Variants in C16orf96 observed in about 807,000 individuals in gnomAD.
C16orf96 encodes the protein chromosome 16 open reading frame 96.
Under a neutral mutation model 103.6 loss-of-function variants are expected in C16orf96, and 108 were observed. The ratio of observed to expected loss-of-function variants is 1.04; its 90% CI spans 0.89 to 1.22. The LOEUF (loss-of-function observed/expected upper bound fraction) is 1.22. Among genes scored for constraint, C16orf96 ranks in the 50% most tolerant of loss-of-function variants. The pLI is 0.00. For synonymous variants in C16orf96, 566 were observed against 593.5 expected (o/e 0.95, Z 0.67); for missense variants, 1,586 against 1,464.2 (o/e 1.08, Z -1.36).
At chr16:4,541,658 T>C in the C16orf96 span, among the ~76,000 whole-genome samples, 1 of 152,208 alleles carries the variant, frequency 6.6e-6, no homozygotes, top group Non-Finnish European at 1.5e-5. Flanking sequence ...TTACGCTTTT[T>C]ATTGGTGATT....
At chr16:4,568,237 G>A (rs1184371884) in intron 1 of C16orf96, among the ~76,000 whole-genome samples, 1 of 151,982 alleles carries the variant, frequency 6.6e-6, no homozygotes, top group Non-Finnish European at 1.5e-5. Flanking sequence ...TTCCATTGTG[G>A]TCAGAGTATG....
At chr16:4,574,931 C>T (rs1164245050) in intron 3 of C16orf96, 41 bp from the exon 4 acceptor site, 2 of 1,542,430 alleles carry the variant, frequency 1.3e-6, no homozygotes, top group Admixed American at 2.0e-5. Flanking sequence ...ACACTGCCCC[C>T]TCCAGGCTCA....
chr16:4,548,165 G>A, the C16orf96 span, among the ~76,000 whole-genome samples: 6 of 152,102 alleles, frequency 3.9e-5, no homozygotes, highest in Non-Finnish European at 7.4e-5. Context: ...ACGCAGGCCC[G>A]GAGACAGGAC....
chr16:4,539,138 C>T, the C16orf96 span, among the ~76,000 whole-genome samples: 2 of 152,186 alleles, frequency 1.3e-5, no homozygotes, highest in African/African-American at 4.8e-5. Context: ...CTTGAAACTG[C>T]CTTTGCAAAA....
intron 9 of C16orf96, among the ~76,000 whole-genome samples, chr16:4,589,802 A>C (rs1176949852): frequency 6.6e-6 from 1 of 152,126 alleles, no homozygotes; most frequent in Non-Finnish European, 1.5e-5. Flanking sequence ...TTTATTAGTG[A>C]AATGTCACCA....
rs1447018849 is a variant in C16orf96, at chr16:4,588,150, A to G, written c.2428-17A>G. The G allele has an allele frequency of 1.9e-6, 3 of 1,547,174 alleles. No individual in the cohort carries two copies. Among genetic ancestry groups the G allele is most frequent in the Non-Finnish European group, 2.6e-6 (3 of 1,144,570 alleles). On this transcript the variant is annotated splice_polypyrimidine_tract_variant and intron_variant, in intron 8 of 15. Coordinates refer to ENST00000444310, the MANE Select transcript of C16orf96 (RefSeq NM_001145011.2). ...CATCCCAGCAGCCATGCCTCCCTGAACTCCCTGTCTCCCTAGAAAGCTGAC... is the reference window on the plus strand; with the variant it reads ...CATCCCAGCAGCCATGCCTCCCTGAGCTCCCTGTCTCCCTAGAAAGCTGAC...
the C16orf96 span, among the ~76,000 whole-genome samples, chr16:4,541,000 G>A: frequency 9.4e-5 from 14 of 148,188 alleles, no homozygotes; most frequent in South Asian, 6.7e-4. Context: ...TGCAACCTCC[G>A]TCTCCCAGGT....
rs62037460 is a variant in C16orf96 at position 4,574,976 on chromosome 16, C to T, written c.611C>T (p.Ser204Phe). ...KMVALQREVASLQNKFKTIPK... is the reference protein window; with the variant it reads ...KMVALQREVAFLQNKFKTIPK... ...TTTTCTACCCCCACCTTGCAGGCTT[C>T]TCTCCAGAATAAGTTTAAAACCATC... The change falls in exon 4 of 16, where the codon TCT (serine) becomes TTT (phenylalanine). Residue 204 changes from serine to phenylalanine, a missense_variant. Ser to Phe is a radical substitution (Grantham distance 155). Transcript: ENST00000444310. The T allele has an allele frequency of 3.4e-4, 531 of 1,551,464 alleles. No homozygotes were observed. Among genetic ancestry groups the T allele is most frequent in the Admixed American group, 9.8e-4 (50 of 51,010 alleles).
intron 12 of C16orf96, 89 bp from the exon 13 acceptor site, chr16:4,594,262 C>T: frequency 7.0e-7 from 1 of 1,420,198 alleles, no homozygotes; most frequent in Non-Finnish European, 9.4e-7. Flanking sequence ...TGCTGGTCTT[C>T]CCTCGATGCT....
intron 11 of C16orf96, among the ~76,000 whole-genome samples, chr16:4,592,917 C>T (rs987488351): frequency 1.3e-5 from 2 of 152,186 alleles, no homozygotes; most frequent in African/African-American, 2.4e-5. Context: ...TCAGGTGATC[C>T]GCCCACCTCA....
chr16:4,573,134 G>A (rs760887938), intron 2 of C16orf96, among the ~76,000 whole-genome samples: 1 of 152,096 alleles, frequency 6.6e-6, no homozygotes, highest in African/African-American at 2.4e-5. Context: ...AGACAAAGCT[G>A]TTGGAGAAAC....
intron 14 of C16orf96, among the ~76,000 whole-genome samples, chr16:4,597,051 G>T (rs936821611): frequency 1.3e-5 from 2 of 151,742 alleles, no homozygotes; most frequent in African/African-American, 4.8e-5. Flanking sequence ...TCCAAATAAG[G>T]TCACATTCAC....
chr16:4,594,775 GC>G lies in C16orf96; in HGVS notation c.3102del (p.Leu1035TrpfsTer10). 6.4e-7 allele frequency: 1 copy of G among 1,550,844 alleles called. No individual in the cohort carries two copies. ...GRVNSQRGAQ[P>X]LAVAKELAAV... ...GCGTGAACAGCCAGCGTGGGGCTCA[GC>G]CCTTGGCCGTCGCAAAGGAGCTGGC... On this transcript the variant is annotated frameshift_variant, in exon 14 of 16. Coordinates refer to ENST00000444310, the MANE Select transcript of C16orf96 (RefSeq NM_001145011.2). LOFTEE classifies it high-confidence loss of function.
chr16:4,563,084 A>C, intron 1 of C16orf96: 1 of 803,328 alleles, frequency 1.2e-6, no homozygotes, highest in African/African-American at 1.7e-5. Flanking sequence ...TTGCTTCTTT[A>C]CAGGTTTTTC....
At chr16:4,582,754 C>T (rs1008661831) in intron 7 of C16orf96, among the ~76,000 whole-genome samples, 9 of 152,160 alleles carry the variant, frequency 5.9e-5, no homozygotes, top group African/African-American at 1.7e-4. Context: ...GCATGTCCAT[C>T]GTGCACCCAG....
Position 4,600,163 on chromosome 16 carries a change from G to A in C16orf96, c.3272G>A (p.Arg1091Gln), listed in dbSNP as rs1447039760. 1.2e-5 allele frequency: 18 copies of A among 1,551,270 alleles called. No individual in the cohort carries two copies. Among genetic ancestry groups the A allele is most frequent in the Non-Finnish European group, 1.5e-5 (17 of 1,146,954 alleles). ...GGCCCTCACCTGACGATGCCAGCTC[G>A]ACCACCTTCCCTGCCACCTCTGCTG... The part of the protein sequence containing the change: ...ASGPHLTMPA[R>Q]PPSLPPLLLL... Residue 1091 changes from arginine to glutamine, a missense_variant, in exon 16 of 16, where the codon CGA becomes CAA. Coordinates refer to ENST00000444310, the MANE Select transcript of C16orf96 (RefSeq NM_001145011.2).
the C16orf96 span, among the ~76,000 whole-genome samples, chr16:4,550,124 GC>G: frequency 7.0e-6 from 1 of 142,648 alleles, no homozygotes; most frequent in East Asian, 2.0e-4. Flanking sequence ...CACTCTTGTT[GC>G]CCCCGCTGGA....
intron 6 of C16orf96, among the ~76,000 whole-genome samples, chr16:4,579,335 T>G (rs1314871592): frequency 6.6e-6 from 1 of 151,958 alleles, no homozygotes; most frequent in Non-Finnish European, 1.5e-5. Context: ...GGCAGATCAC[T>G]TGAGCTCAGG....
At chr16:4,564,118 G>A (rs898521591) in intron 1 of C16orf96, among the ~76,000 whole-genome samples, 4 of 151,928 alleles carry the variant, frequency 2.6e-5, no homozygotes, top group African/African-American at 9.7e-5. Context: ...GCAGTGAGCC[G>A]AGATTGCGCC....
Sources: gnomAD v4.1 joint callset for allele counts (sites outside exome capture counted in the v4.1 genomes callset) on GRCh38, gnomAD v4.1.1 for gene constraint, MANE v1.5 for transcripts, NCBI Gene and HGNC (gene_info 2026-07-23, HGNC 2026-07-21) for gene names.